COLQ: variants seen among roughly 807,000 people sequenced by gnomAD.
The protein encoded by COLQ is acetylcholinesterase collagenic tail peptide.
COLQ carries 48 observed loss-of-function variants against 69.0 expected under a neutral mutation model. That is an observed-to-expected ratio of 0.70 (90% CI 0.55 to 0.88). The LOEUF (loss-of-function observed/expected upper bound fraction) is 0.88, where lower values mean the gene tolerates loss of function less well. COLQ is among the 40% of genes least tolerant of loss of function. The probability of loss-of-function intolerance (pLI) is 0.00; values close to 1 mark genes in which losing one functional copy is unlikely to be tolerated. For missense variants in COLQ, 618 were observed against 594.6 expected, an observed-to-expected ratio of 1.04 and a Z score of -0.41; for synonymous variants, 217 against 211.2, an observed-to-expected ratio of 1.03 and a Z score of -0.24.
rs773097270 is a variant in COLQ, at chr3:15,521,566, G to A, written c.60C>T (p.Ile20=). ...GIYLQLFFLS[I]VSQPTFINSV... ...TGTTGATGAAAGTCGGCTGAGACAC[G>A]ATAGAGAGGAAGAAAAGCTGAAGAT... is the stretch of plus-strand genomic sequence containing the variant. Residue 20 remains isoleucine, a synonymous_variant, in exon 1 of 17, where the codon ATC becomes ATT. Transcript: ENST00000383788. The A allele has an allele frequency of 8.1e-6, 13 of 1,614,070 alleles. No homozygotes were observed. Among genetic ancestry groups the A allele is most frequent in the Admixed American group, 3.3e-5 (2 of 60,008 alleles).
chr3:15,479,515 T>C (rs988392084), intron 3 of COLQ, 133 bp from the exon 4 acceptor site: 28 of 866,134 alleles, frequency 3.2e-5, no homozygotes, highest in South Asian at 7.0e-5. Context: ...CAGGGACCCA[T>C]GGAGGCTTTT....
chr3:15,464,139 G>GA (rs869255205), intron 12 of COLQ, among the ~76,000 whole-genome samples: 1 of 39,420 alleles, frequency 2.5e-5, no homozygotes, highest in African/African-American at 1.5e-4. Context: ...TGAGGAAGGA[G>GA]GGGTCAGGGA....
chr3:15,451,143 A>T lies in COLQ; in HGVS notation c.*501T>A. On this transcript the variant is annotated 3_prime_UTR_variant, in exon 17 of 17. Transcript: ENST00000383788. Reference sequence around the variant, plus strand: ...TGAGCCACCCCGAGAGAACGTGCCCACTTCCCTGCTTTGTGGTTCATAGGC... The same window carrying T: ...TGAGCCACCCCGAGAGAACGTGCCCTCTTCCCTGCTTTGTGGTTCATAGGC... 6.1e-6 allele frequency: 1 copy of T among 164,682 alleles called. No homozygotes were observed. The highest frequency in any genetic ancestry group is 1.7e-4 in the South Asian group (1 of 5,992). 10.2% of individuals were successfully genotyped at this position (164,682 alleles called of 1,614,324 possible).
intron 11 of COLQ, among the ~76,000 whole-genome samples, chr3:15,468,286 A>T (rs1575470301): frequency 7.4e-6 from 1 of 135,458 alleles, no homozygotes; most frequent in African/African-American, 2.7e-5. Flanking sequence ...AAGTTGGGTG[A>T]TCTCTCTCAA....
chr3:15,477,044 A>G, intron 6 of COLQ, 82 bp downstream of exon 6: 1 of 1,291,038 alleles, frequency 7.7e-7, no homozygotes, highest in East Asian at 2.5e-5. Context: ...TTCCCTGACT[A>G]TGTGCCAGGA....
chr3:15,468,630 G>A (rs1412890427), intron 11 of COLQ, among the ~76,000 whole-genome samples: 4 of 152,116 alleles, frequency 2.6e-5, no homozygotes, highest in South Asian at 2.1e-4. Context: ...CGCCACTCCC[G>A]GCTGAGAAGA....
At chr3:15,453,804 A>G in intron 16 of COLQ, 25 bp downstream of exon 16, 1 of 1,401,476 alleles carries the variant, frequency 7.1e-7, no homozygotes, top group East Asian at 2.4e-5. Flanking sequence ...GAAGGGGGAG[A>G]GGGAGGGAGG....
At chr3:15,502,362 C>T (rs1298677766) in intron 1 of COLQ, among the ~76,000 whole-genome samples, 4 of 152,034 alleles carry the variant, frequency 2.6e-5, no homozygotes, top group African/African-American at 9.7e-5. Context: ...GGTGATCCAC[C>T]CGCCTCAGCC....
chr3:15,479,212 A>G, intron 4 of COLQ, 126 bp downstream of exon 4: 1 of 1,184,516 alleles, frequency 8.4e-7, no homozygotes, highest in South Asian at 1.2e-5. Flanking sequence ...CATGGAACCC[A>G]GCCTCTCACC....
chr3:15,475,354 A>G, intron 7 of COLQ, 71 bp downstream of exon 7: 2 of 1,417,692 alleles, frequency 1.4e-6, no homozygotes, highest in South Asian at 1.2e-5. Flanking sequence ...CCCAGTCCCT[A>G]TGTTTGTAGA....
intron 13 of COLQ, 124 bp downstream of exon 13, chr3:15,458,062 T>G (rs1481442153): frequency 5.9e-6 from 6 of 1,015,372 alleles, no homozygotes; most frequent in South Asian, 1.3e-5. Context: ...TTTCCTATAA[T>G]GAGGGTGTAC....
chr3:15,460,284 G>A (rs138636856), intron 12 of COLQ, among the ~76,000 whole-genome samples: 4 of 152,254 alleles, frequency 2.6e-5, no homozygotes, highest in African/African-American at 7.2e-5. Flanking sequence ...CCGACTAATT[G>A]GAGAGAAAAA....
At chr3:15,467,532 C>T (rs1244010022) in intron 11 of COLQ, among the ~76,000 whole-genome samples, 3 of 152,206 alleles carry the variant, frequency 2.0e-5, no homozygotes, top group Non-Finnish European at 4.4e-5. Context: ...CATGGAGTGT[C>T]CTCTTTTCTG....
intron 1 of COLQ, among the ~76,000 whole-genome samples, chr3:15,499,969 T>G (rs1387030276): frequency 6.6e-6 from 1 of 152,222 alleles, no homozygotes; most frequent in East Asian, 1.9e-4. Flanking sequence ...GCTCTCTTAT[T>G]GACATATTCT....
At chr3:15,483,212 ATCAGTTCTGC>A (rs1553636739) in intron 3 of COLQ, among the ~76,000 whole-genome samples, 1 of 151,938 alleles carries the variant, frequency 6.6e-6, no homozygotes, top group Non-Finnish European at 1.5e-5. Flanking sequence ...CTCTATCTCC[ATCAGTTCTGC>A]TCTGATCTTA....
chr3:15,466,532 G>A, intron 11 of COLQ, 95 bp from the exon 12 acceptor site: 1 of 1,064,432 alleles, frequency 9.4e-7, no homozygotes, highest in Non-Finnish European at 1.4e-6. Context: ...TTGCACTTAA[G>A]GAGCAAGAGC....
At chr3:15,519,511 C>T (rs2063106769) in intron 1 of COLQ, among the ~76,000 whole-genome samples, 1 of 152,278 alleles carries the variant, frequency 6.6e-6, no homozygotes, top group East Asian at 1.9e-4. Context: ...TCCTATTTGC[C>T]CCTCTTGCCT....
At chr3:15,467,936 G>C (rs1170906616) in intron 11 of COLQ, 3 of 456,648 alleles carry the variant, frequency 6.6e-6, no homozygotes, top group African/African-American at 4.0e-5. Flanking sequence ...TGAGGTCAGA[G>C]TTTATTTCTG....
chr3:15,461,216 A>C (rs2062108009), intron 12 of COLQ, among the ~76,000 whole-genome samples: 2 of 140,380 alleles, frequency 1.4e-5, no homozygotes, highest in South Asian at 2.3e-4. Flanking sequence ...AGCCCCTCTT[A>C]CCCTCTAACT....
Sources: allele counts gnomAD v4.1 joint callset (sites outside exome capture counted in the v4.1 genomes callset), GRCh38; gene constraint gnomAD v4.1.1; transcripts MANE v1.5; gene names NCBI Gene and HGNC (gene_info 2026-07-23, HGNC 2026-07-21).